SOX5: variants seen among roughly 807,000 people sequenced by gnomAD.
SOX5 encodes the protein SRY-box transcription factor 5, also known as transcription factor SOX-5.
A neutral mutation model predicts 92.0 loss-of-function variants in SOX5; 9 were observed. The ratio of observed to expected loss-of-function variants is 0.10; its 90% confidence interval spans 0.06 to 0.17. The LOEUF (loss-of-function observed/expected upper bound fraction) is 0.17, where lower values mean the gene tolerates loss of function less well. Ranked by LOEUF, SOX5 falls within the 10% of genes least tolerant of loss-of-function variation. SOX5 has a pLI of 1.00. For missense variants in SOX5, 642 were observed against 944.5 expected (o/e 0.68, Z 4.20); for synonymous variants, 344 against 336.3 (o/e 1.02, Z -0.25).
At position 23,533,182 on chromosome 12, in the gene SOX5, C is replaced by A. The variant is rs1456492284; in HGVS notation, c.*1037G>T. 1 of 456,158 alleles carries A rather than the reference C, an allele frequency of 2.2e-6. No homozygotes were observed. The highest frequency in any genetic ancestry group is 2.0e-5 in the African/African-American group (1 of 50,054). The allele number at this position is 456,158 out of a possible 1,614,324, so 28.3% of individuals were successfully genotyped here. On this transcript the variant is annotated 3_prime_UTR_variant, in exon 15 of 15. Transcript: ENST00000451604. ...CACTTGGGAGGATGTGGGATTTCATCCCCAGATGTGGGTTTAACTCACAAT... is the reference window on the plus strand; with the variant it reads ...CACTTGGGAGGATGTGGGATTTCATACCCAGATGTGGGTTTAACTCACAAT...
At chr12:24,359,904 C>T (rs886999013) in intron 2 of SOX5, among the ~76,000 whole-genome samples, 2 of 152,022 alleles carry the variant, frequency 1.3e-5, no homozygotes, top group Non-Finnish European at 2.9e-5. Context: ...AATCTTCACT[C>T]ACAACAACTA....
chr12:24,132,503 A>C (rs548427916), intron 4 of SOX5, among the ~76,000 whole-genome samples: 2 of 152,300 alleles, frequency 1.3e-5, no homozygotes, highest in Non-Finnish European at 2.9e-5. Context: ...ATGTTCATGT[A>C]AAGTGGGAAA....
intron 4 of SOX5, among the ~76,000 whole-genome samples, chr12:24,135,738 T>A (rs113272203): frequency 6.6e-6 from 1 of 152,072 alleles, no homozygotes; most frequent in African/African-American, 2.4e-5. Context: ...AAGCAGCATA[T>A]GGTCTGGACC....
At chr12:24,061,844 C>T (rs1054726277) in intron 4 of SOX5, among the ~76,000 whole-genome samples, 1 of 151,954 alleles carries the variant, frequency 6.6e-6, no homozygotes, top group African/African-American at 2.4e-5. Flanking sequence ...CTGTTGTGAG[C>T]CACTGCATCA....
At chr12:23,844,912 C>G (rs994956712) in intron 3 of SOX5, among the ~76,000 whole-genome samples, 5 of 152,176 alleles carry the variant, frequency 3.3e-5, no homozygotes, top group Non-Finnish European at 5.9e-5. Context: ...TATCCAAAAT[C>G]TTTGGCTGAC....
At chr12:24,514,820 C>A (rs1387810946) in intron 1 of SOX5, among the ~76,000 whole-genome samples, 2 of 152,088 alleles carry the variant, frequency 1.3e-5, no homozygotes, top group African/African-American at 4.8e-5. Context: ...TCAAATATCG[C>A]GTGTTCTCAC....
intron 2 of SOX5, among the ~76,000 whole-genome samples, chr12:23,873,995 A>C (rs2136903746): frequency 6.6e-6 from 1 of 152,342 alleles, no homozygotes; most frequent in Middle Eastern, 3.4e-3. Context: ...GACTCCTTGC[A>C]GTGGGTTTTC....
intron 1 of SOX5, among the ~76,000 whole-genome samples, chr12:24,537,784 T>G (rs1951769062): frequency 6.6e-6 from 1 of 152,234 alleles, no homozygotes; most frequent in Non-Finnish European, 1.5e-5. Flanking sequence ...CGAAAGTTTC[T>G]GCAGACTATT....
chr12:23,731,489 C>T (rs7485546), intron 6 of SOX5, among the ~76,000 whole-genome samples: 95,489 of 151,970 alleles, frequency 0.63, 30,307 homozygotes, highest in Non-Finnish European at 0.68. Context: ...TTTGTGCATA[C>T]ACATAAACAT....
intron 3 of SOX5, among the ~76,000 whole-genome samples, chr12:23,819,715 G>T (rs1568035357): frequency 6.6e-6 from 1 of 152,122 alleles, no homozygotes; most frequent in East Asian, 1.9e-4. Context: ...TGCTGAGAAT[G>T]ATGGTTTCCA....
intron 2 of SOX5, among the ~76,000 whole-genome samples, chr12:24,307,416 A>G (rs1224548255): frequency 6.6e-6 from 1 of 151,602 alleles, no homozygotes; most frequent in African/African-American, 2.4e-5. Flanking sequence ...TCTGGCAGAG[A>G]CAGTGTCTTT....
intron 4 of SOX5, among the ~76,000 whole-genome samples, chr12:24,042,402 AT>A (rs1251526243): frequency 6.6e-6 from 1 of 152,116 alleles, no homozygotes; most frequent in African/African-American, 2.4e-5. Context: ...CATGCCTAAT[AT>A]TCACAGTAGA....
intron 1 of SOX5, among the ~76,000 whole-genome samples, chr12:24,390,091 T>G (rs1187987606): frequency 1.3e-5 from 2 of 152,222 alleles, no homozygotes; most frequent in Non-Finnish European, 2.9e-5. Flanking sequence ...TTTGAAATCC[T>G]CCCCAAGTTT....
Position 23,588,731 on chromosome 12 carries a change from A to G in SOX5, c.1165-12893T>C, listed in dbSNP as rs889542286. 9.0e-4 allele frequency among the ~76,000 whole-genome samples: 136 copies of G among 151,412 alleles called. No individual in the cohort carries two copies. In the Middle Eastern group the frequency reaches 0.01, roughly 11 times the overall value. On this transcript the variant is annotated intron_variant, in intron 9 of 14. Coordinates refer to ENST00000451604, the MANE Select transcript of SOX5 (RefSeq NM_006940.6). ...GTAGTATGGGATAGTGCACACACAC[A>G]CACACACACACACACACACATATGT...
chr12:24,085,571 C>CTA (rs1943888793), intron 4 of SOX5, among the ~76,000 whole-genome samples: 1 of 151,930 alleles, frequency 6.6e-6, no homozygotes, highest in Admixed American at 6.6e-5. Flanking sequence ...AATTATTTGG[C>CTA]TATAATATAT....
At chr12:24,297,052 A>G (rs1947349909) in intron 2 of SOX5, among the ~76,000 whole-genome samples, 1 of 152,182 alleles carries the variant, frequency 6.6e-6, no homozygotes, top group Non-Finnish European at 1.5e-5. Flanking sequence ...TGTATTTGAC[A>G]GTCAGAGACA....
At chr12:23,710,693 A>G (rs1293040723) in intron 6 of SOX5, among the ~76,000 whole-genome samples, 2 of 152,106 alleles carry the variant, frequency 1.3e-5, no homozygotes, top group Non-Finnish European at 2.9e-5. Flanking sequence ...TAGTGCCACA[A>G]TAAACAAACG....
chr12:23,580,484 A>G (rs1949895234), intron 9 of SOX5, among the ~76,000 whole-genome samples: 1 of 152,020 alleles, frequency 6.6e-6, no homozygotes, highest in Non-Finnish European at 1.5e-5. Context: ...TCTATGCTAT[A>G]TAGCATTGAA....
intron 1 of SOX5, among the ~76,000 whole-genome samples, chr12:23,926,401 G>A (rs1939940037): frequency 6.6e-6 from 1 of 152,004 alleles, no homozygotes; most frequent in Non-Finnish European, 1.5e-5. Flanking sequence ...TCATCTACAT[G>A]GGGAAAGCGA....
Sources: gnomAD v4.1 joint callset for allele counts (sites outside exome capture counted in the v4.1 genomes callset) on GRCh38, gnomAD v4.1.1 for gene constraint, MANE v1.5 for transcripts, NCBI Gene and HGNC (gene_info 2026-07-23, HGNC 2026-07-21) for gene names.